The following ADARB2 variants were observed in gnomAD, a reference collection of about 807,000 sequenced individuals.
The protein encoded by ADARB2 is adenosine deaminase RNA specific B2 (inactive).
Under a neutral mutation model 62.2 loss-of-function variants are expected in ADARB2, and 25 were observed. The observed-to-expected ratio is 0.40, with a 90% CI of 0.29 to 0.56. ADARB2 has a LOEUF of 0.56. Ranked by LOEUF, ADARB2 falls within the 20% of genes least tolerant of loss-of-function variation. The pLI, the probability that ADARB2 is intolerant of heterozygous loss-of-function variation, is 0.43. For missense variants in ADARB2, 1,071 were observed against 1,077.4 expected, an observed-to-expected ratio of 0.99 and a Z score of 0.08; for synonymous variants, 572 against 500.8, an observed-to-expected ratio of 1.14 and a Z score of -1.90.
chr10:1,487,830 C>T (rs967775553), intron 1 of ADARB2, among the ~76,000 whole-genome samples: 2 of 152,134 alleles, frequency 1.3e-5, no homozygotes, highest in Non-Finnish European at 2.9e-5. Flanking sequence ...TAGCTCTTCA[C>T]CTACTGGGAG....
chr10:1,599,660 G>C (rs1486957776), intron 1 of ADARB2, among the ~76,000 whole-genome samples: 1 of 152,210 alleles, frequency 6.6e-6, no homozygotes, highest in Non-Finnish European at 1.5e-5. Flanking sequence ...TTGTGAAGTG[G>C]GTCAGTGAGG....
At chr10:1,673,049 A>G (rs1011709982) in intron 1 of ADARB2, among the ~76,000 whole-genome samples, 2 of 152,118 alleles carry the variant, frequency 1.3e-5, no homozygotes, top group African/African-American at 4.8e-5. Flanking sequence ...TCTGCCTCAG[A>G]CACACAGTTG....
In ADARB2 at chr10:1,213,601, C is replaced by T. The variant is rs376311796; in HGVS notation, c.1682+3350G>A. Among the ~76,000 whole-genome samples the T allele has an allele frequency of 4.1e-4, 62 of 152,342 alleles. 1 individual carries two copies. The highest frequency in any genetic ancestry group is 1.5e-3 in the African/African-American group (61 of 41,576). On this transcript the variant is annotated intron_variant, in intron 7 of 9. Transcript: ENST00000381312. ...CAACTCTGTTCTAACCCGGCAGGTGCTTAGGATTAATTCCTGGACAAATTC... is the reference window on the plus strand; with the variant it reads ...CAACTCTGTTCTAACCCGGCAGGTGTTTAGGATTAATTCCTGGACAAATTC...
chr10:1,260,403 C>A (rs929622250), intron 4 of ADARB2, among the ~76,000 whole-genome samples: 27 of 151,838 alleles, frequency 1.8e-4, no homozygotes, highest in African/African-American at 6.5e-4. Flanking sequence ...CTAGAAAACC[C>A]CATTGTCTCA....
intron 1 of ADARB2, among the ~76,000 whole-genome samples, chr10:1,504,014 T>A (rs1361447188): frequency 6.6e-6 from 1 of 152,202 alleles, no homozygotes; most frequent in Non-Finnish European, 1.5e-5. Context: ...AATGGCTTAA[T>A]ACAGGCCAGA....
chr10:1,529,755 C>A (rs78094034), intron 1 of ADARB2, among the ~76,000 whole-genome samples: 1 of 152,322 alleles, frequency 6.6e-6, no homozygotes, highest in African/African-American at 2.4e-5. Context: ...GTGAGACTTG[C>A]GGGCAGTGCT....
chr10:1,530,718 C>T (rs899138763), intron 1 of ADARB2, among the ~76,000 whole-genome samples: 1 of 152,238 alleles, frequency 6.6e-6, no homozygotes, highest in Admixed American at 6.5e-5. Context: ...ATGGCCCACA[C>T]TCTCCCTGCT....
At chr10:1,623,532 G>C (rs1833732411) in intron 1 of ADARB2, among the ~76,000 whole-genome samples, 1 of 152,186 alleles carries the variant, frequency 6.6e-6, no homozygotes, top group Non-Finnish European at 1.5e-5. Context: ...ACTACCCATA[G>C]AATTCCATTG....
At chr10:1,638,790 G>A (rs912968595) in intron 1 of ADARB2, among the ~76,000 whole-genome samples, 1 of 152,136 alleles carries the variant, frequency 6.6e-6, no homozygotes. Context: ...AGCTGGACCC[G>A]ACGAGCTGGG....
intron 1 of ADARB2, among the ~76,000 whole-genome samples, chr10:1,461,555 C>T (rs555260292): frequency 6.6e-6 from 1 of 152,130 alleles, no homozygotes; most frequent in African/African-American, 2.4e-5. Flanking sequence ...AGAAAAAGCA[C>T]ATTTTCCAGA....
intron 1 of ADARB2, among the ~76,000 whole-genome samples, chr10:1,609,279 A>G (rs988087697): frequency 6.6e-6 from 1 of 152,192 alleles, no homozygotes; most frequent in Admixed American, 6.5e-5. Context: ...TTTTCAAGCT[A>G]TTAAACGGGC....
chr10:1,560,482 C>T (rs1404584556), intron 1 of ADARB2, among the ~76,000 whole-genome samples: 3 of 22,128 alleles, frequency 1.4e-4, no homozygotes, highest in African/African-American at 2.5e-4. Context: ...CACCCTGGGT[C>T]GTCACACACG....
intron 6 of ADARB2, among the ~76,000 whole-genome samples, chr10:1,217,992 G>C (rs1830647360): frequency 6.6e-6 from 1 of 151,474 alleles, no homozygotes; most frequent in African/African-American, 2.4e-5. Flanking sequence ...TGGAGAACTA[G>C]CATGAGCAAG....
intron 1 of ADARB2, among the ~76,000 whole-genome samples, chr10:1,402,608 G>T (rs979400117): frequency 2.6e-5 from 4 of 152,090 alleles, no homozygotes; most frequent in Non-Finnish European, 5.9e-5. Flanking sequence ...TCATCGAGTC[G>T]GAGGCGGCCC....
Position 1,178,354 on chromosome 10 carries a change from A to T in ADARB2, c.*4839T>A, listed in dbSNP as rs1477134952. ...GCCGCCTCTCAGGCTTCCCAGAAACAGCCTGAGAAGGAAGCTCCTCTGTCT... is the reference window on the plus strand; with the variant it reads ...GCCGCCTCTCAGGCTTCCCAGAAACTGCCTGAGAAGGAAGCTCCTCTGTCT... On this transcript the variant is annotated 3_prime_UTR_variant, in exon 10 of 10. Coordinates refer to ENST00000381312, the MANE Select transcript of ADARB2 (RefSeq NM_018702.4). 1 of 143,434 alleles carries T rather than the reference A, an allele frequency of 7.0e-6. No individual in the cohort carries two copies. The highest frequency in any genetic ancestry group is 1.5e-5 in the Non-Finnish European group (1 of 68,002). 8.9% of individuals were successfully genotyped at this position (143,434 alleles called of 1,614,324 possible).
chr10:1,394,338 G>A (rs1832593646), intron 1 of ADARB2, among the ~76,000 whole-genome samples: 1 of 152,174 alleles, frequency 6.6e-6, no homozygotes, highest in South Asian at 2.1e-4. Context: ...CCGGGGCCCA[G>A]CCTCAAGGCC....
chr10:1,727,343 C>T (rs1427490265), intron 1 of ADARB2, among the ~76,000 whole-genome samples: 1 of 152,116 alleles, frequency 6.6e-6, no homozygotes, highest in Non-Finnish European at 1.5e-5. Flanking sequence ...TCTCGTCACC[C>T]CAAAGGTGGT....
chr10:1,558,466 C>G (rs1252238093), intron 1 of ADARB2, among the ~76,000 whole-genome samples: 1 of 129,686 alleles, frequency 7.7e-6, no homozygotes. Context: ...ACCTCTGCCC[C>G]CCTCCGTGGG....
At chr10:1,400,185 A>C (rs1277147400) in intron 1 of ADARB2, among the ~76,000 whole-genome samples, 3 of 152,222 alleles carry the variant, frequency 2.0e-5, no homozygotes, top group African/African-American at 2.4e-5. Flanking sequence ...CAGCACCTGC[A>C]GCTGTCCTGC....
Sources: allele counts gnomAD v4.1 joint callset (sites outside exome capture counted in the v4.1 genomes callset), GRCh38; gene constraint gnomAD v4.1.1; transcripts MANE v1.5; gene names NCBI Gene and HGNC (gene_info 2026-07-23, HGNC 2026-07-21).